The following FBXW4 variants were observed in gnomAD, a reference collection of about 807,000 sequenced individuals.
The protein encoded by FBXW4 is F-box and WD repeat domain containing 4.
FBXW4 carries 40 observed loss-of-function variants against 61.8 expected under a neutral mutation model. The ratio of observed to expected loss-of-function variants is 0.65; its 90% CI spans 0.50 to 0.84. The LOEUF (loss-of-function observed/expected upper bound fraction) is 0.84. Ranked by LOEUF, FBXW4 falls within the 40% of genes least tolerant of loss-of-function variation. The probability of loss-of-function intolerance (pLI) is 0.00; values close to 1 mark genes in which losing one functional copy is unlikely to be tolerated. For missense variants in FBXW4, 672 were observed against 753.8 expected (o/e 0.89, Z 1.27); for synonymous variants, 311 against 313.8 (o/e 0.99, Z 0.10).
Position 101,611,348 on chromosome 10 carries a change from C to A in FBXW4, c.1647G>T (p.Lys549Asn), listed in dbSNP as rs143749431. 65 of 1,613,948 alleles carry A rather than the reference C, an allele frequency of 4.0e-5. No homozygotes were observed. The highest frequency in any genetic ancestry group is 5.2e-5 in the Non-Finnish European group (61 of 1,179,994). The change falls in exon 9 of 9, where the codon AAG becomes AAT. Residue 549 changes from lysine to asparagine, a missense_variant. By Grantham distance (94) the Lys-to-Asn change is moderately conservative. Around this residue, in one of 5 missense-constraint regions of FBXW4, gnomAD observed 312 missense variants for 370.1 expected, o/e 0.84. Transcript: ENST00000331272. This position sits in a 1 kb window ranked among gnomAD's most constrained non-coding sequence, Gnocchi z 4.9. ...TGTAAGACAGGGCAGCATAGAGATGCTTGGTGGTGAGACGCAGGCAGTACA... is the reference window on the plus strand; with the variant it reads ...TGTAAGACAGGGCAGCATAGAGATGATTGGTGGTGAGACGCAGGCAGTACA... The part of the protein sequence containing the change: ...SPVYCLRLTT[K>N]HLYAALSYNL...
intron 4 of FBXW4, among the ~76,000 whole-genome samples, chr10:101,672,599 A>T (rs1373015606): frequency 6.6e-6 from 1 of 152,182 alleles, no homozygotes; most frequent in Non-Finnish European, 1.5e-5. Context: ...TAGGGTCAGA[A>T]CTCAACCCAC....
chr10:101,648,597 G>A (rs551131985), intron 5 of FBXW4, among the ~76,000 whole-genome samples: 9 of 152,098 alleles, frequency 5.9e-5, no homozygotes, highest in African/African-American at 9.7e-5. Context: ...CAGAACCAGC[G>A]CCTTGCCTGG....
In FBXW4 at chr10:101,611,723, A is replaced by G. The variant is rs1405859395; in HGVS notation, c.1489T>C (p.Cys497Arg). 1 of 1,614,186 alleles carries G rather than the reference A, an allele frequency of 6.2e-7. No homozygotes were observed. ...WEEPHDSTLY[C>R]LQTDGNHLLA... ...AGGTGGTTGCCATCTGTCTGCAGGCAGTACAGGGTGCTGTCGTGGGGCTCC... is the reference window on the plus strand; with the variant it reads ...AGGTGGTTGCCATCTGTCTGCAGGCGGTACAGGGTGCTGTCGTGGGGCTCC... Residue 497 changes from cysteine to arginine, a missense_variant, in exon 8 of 9, where the codon TGC (cysteine) becomes CGC (arginine). Physicochemically the swap from Cys to Arg is radical, Grantham distance 180. Transcript: ENST00000331272. This position sits in a 1 kb window ranked among gnomAD's most constrained non-coding sequence, Gnocchi z 4.9.
At chr10:101,651,035 G>GA (rs1236846832) in intron 5 of FBXW4, among the ~76,000 whole-genome samples, 15 of 152,088 alleles carry the variant, frequency 9.9e-5, no homozygotes, top group African/African-American at 3.1e-4. Context: ...CCTCTGCCTG[G>GA]AAAAAAAATG....
chr10:101,653,654 C>T lies in FBXW4; in HGVS notation c.1235+14232G>A, dbSNP rs552633325. Among the ~76,000 whole-genome samples, 10 of 152,310 alleles carry T rather than the reference C, an allele frequency of 6.6e-5. No homozygotes were observed. The South Asian group carries it at 1.9e-3, about 28-fold the overall frequency. On this transcript the variant is annotated intron_variant, in intron 5 of 8. Coordinates refer to ENST00000331272, the MANE Select transcript of FBXW4 (RefSeq NM_022039.4). ...CTTTCCTCTGATTTCCTGTCAATAA[C>T]CCCAGTAGTTGCTAGCACTTACACT...
At chr10:101,619,701 A>T (rs2063853535) in intron 6 of FBXW4, among the ~76,000 whole-genome samples, 1 of 151,148 alleles carries the variant, frequency 6.6e-6, no homozygotes, top group African/African-American at 2.4e-5. Flanking sequence ...GGGACAGCCA[A>T]GCTCCTTGCC....
chr10:101,681,578 G>T (rs960135498), intron 1 of FBXW4, among the ~76,000 whole-genome samples: 1 of 150,268 alleles, frequency 6.7e-6, no homozygotes, highest in South Asian at 2.1e-4. Flanking sequence ...TTAGCCAGGC[G>T]TGGTGGCGGG....
intron 6 of FBXW4, among the ~76,000 whole-genome samples, chr10:101,616,113 G>C (rs1316761977): frequency 6.6e-6 from 1 of 152,258 alleles, no homozygotes; most frequent in Non-Finnish European, 1.5e-5. Flanking sequence ...TTGAGTCTGT[G>C]CCTACCTGTG....
Position 101,694,295 on chromosome 10 carries a change from G to A in FBXW4, c.725+86C>T. 2.4e-6 allele frequency: 3 copies of A among 1,269,760 alleles called. No individual in the cohort carries two copies. Among genetic ancestry groups the A allele is most frequent in the Non-Finnish European group, 3.0e-6 (3 of 990,132 alleles). The allele number at this position is 1,269,760 out of a possible 1,614,324, so 78.7% of individuals were successfully genotyped here. On this transcript the variant is annotated intron_variant, in intron 1 of 8. Coordinates refer to ENST00000331272, the MANE Select transcript of FBXW4 (RefSeq NM_022039.4). The surrounding 1 kb of genome is among the most constrained non-coding windows in gnomAD (Gnocchi z 6.0). ...GAAACTCGGGGTGCGACACGACCCT[G>A]GGCCGACCAGGCCGCGGCGCCCCGC...
intron 4 of FBXW4, among the ~76,000 whole-genome samples, chr10:101,669,862 C>T (rs1377527085): frequency 6.6e-6 from 1 of 151,550 alleles, no homozygotes; most frequent in Admixed American, 6.6e-5. Context: ...TCATGCCATT[C>T]TCCTGCCTCA....
chr10:101,634,097 A>G (rs1447724305), intron 5 of FBXW4, among the ~76,000 whole-genome samples: 1 of 152,108 alleles, frequency 6.6e-6, no homozygotes, highest in Non-Finnish European at 1.5e-5. Context: ...TGGGTAACAG[A>G]GCAAGACTCC....
At chr10:101,656,894 TC>T (rs2134869069) in intron 5 of FBXW4, among the ~76,000 whole-genome samples, 1 of 152,258 alleles carries the variant, frequency 6.6e-6, no homozygotes, top group South Asian at 2.1e-4. Flanking sequence ...TGTTATCACA[TC>T]CCAACTGGCA....
intron 4 of FBXW4, among the ~76,000 whole-genome samples, chr10:101,669,653 G>A (rs1381246784): frequency 6.6e-6 from 1 of 152,130 alleles, no homozygotes; most frequent in Non-Finnish European, 1.5e-5. Flanking sequence ...ATTCCATCCT[G>A]GCACCTGAGG....
chr10:101,647,541 G>A (rs1247770756), intron 5 of FBXW4, among the ~76,000 whole-genome samples: 3 of 152,026 alleles, frequency 2.0e-5, no homozygotes, highest in Non-Finnish European at 4.4e-5. Flanking sequence ...TTCCCCCAAT[G>A]GCATGTTTTT....
chr10:101,673,384 C>T (rs2064376422), intron 3 of FBXW4, 104 bp downstream of exon 3: 3 of 1,297,918 alleles, frequency 2.3e-6, no homozygotes, highest in African/African-American at 2.9e-5. Context: ...CTTCTGGTCT[C>T]CCTCCTCATC....
chr10:101,649,778 A>T, intron 5 of FBXW4, among the ~76,000 whole-genome samples: 1 of 152,168 alleles, frequency 6.6e-6, no homozygotes, highest in East Asian at 1.9e-4. Flanking sequence ...GGGCCACCTC[A>T]TCTCAGCGGC....
At chr10:101,625,074 T>C (rs1226297369) in intron 5 of FBXW4, 3 of 534,712 alleles carry the variant, frequency 5.6e-6, no homozygotes, top group Non-Finnish European at 1.0e-5. Context: ...TTGAGTGGTC[T>C]CTGCACACCA....
chr10:101,642,359 T>C (rs2064060349), intron 5 of FBXW4, among the ~76,000 whole-genome samples: 2 of 150,256 alleles, frequency 1.3e-5, no homozygotes, highest in African/African-American at 4.9e-5. Context: ...AAGACCAACC[T>C]GGCCAACATA....
At chr10:101,666,667 G>C (rs972864678) in intron 5 of FBXW4, among the ~76,000 whole-genome samples, 1 of 152,216 alleles carries the variant, frequency 6.6e-6, no homozygotes, top group Non-Finnish European at 1.5e-5. Flanking sequence ...AGGTACAGGA[G>C]AGTCTATGTA....
Sources: allele counts gnomAD v4.1 joint callset (sites outside exome capture counted in the v4.1 genomes callset), GRCh38; gene constraint gnomAD v4.1.1; regional missense constraint gnomAD v4.1.1; non-coding constraint Gnocchi (gnomAD v3.1); transcripts MANE v1.5; gene names NCBI Gene and HGNC (gene_info 2026-07-23, HGNC 2026-07-21).